Variants in ASNS observed in about 807,000 individuals in gnomAD.
The protein encoded by ASNS is asparagine synthetase (glutamine-hydrolyzing).
ASNS carries 37 observed loss-of-function variants against 62.6 expected under a neutral mutation model. The ratio of observed to expected loss-of-function variants is 0.59; its 90% CI spans 0.45 to 0.78. The LOEUF (loss-of-function observed/expected upper bound fraction) is 0.78. ASNS is among the 30% of genes least tolerant of loss of function. The pLI is 0.00. For missense variants in ASNS, 520 were observed against 682.4 expected (o/e 0.76, Z 2.65); for synonymous variants, 207 against 237.9 (o/e 0.87, Z 1.19).
chr7:97,882,425 G>A, the ASNS span, among the ~76,000 whole-genome samples: 22 of 152,118 alleles, frequency 1.4e-4, 1 homozygote, highest in South Asian at 4.6e-3. Context: ...GCACATGCCT[G>A]TAAGCCCAGC....
At chr7:97,895,017 T>G in the ASNS span, among the ~76,000 whole-genome samples, 1 of 152,186 alleles carries the variant, frequency 6.6e-6, no homozygotes, top group Admixed American at 6.5e-5. Context: ...AAAAAGATAA[T>G]ATACCATGAT....
the ASNS span, among the ~76,000 whole-genome samples, chr7:97,903,244 T>G: frequency 1.8e-4 from 1 of 5,580 alleles, no homozygotes; most frequent in Non-Finnish European, 6.8e-4. Context: ...GATCCAGAGT[T>G]TTTTTTTTTT....
chr7:97,862,475 G>A (rs1237349439), intron 4 of ASNS, among the ~76,000 whole-genome samples: 1 of 152,160 alleles, frequency 6.6e-6, no homozygotes, highest in Non-Finnish European at 1.5e-5. Context: ...CGGGAGGAAA[G>A]AATAAGTGGA....
At position 97,864,507 on chromosome 7, in the gene ASNS, G is replaced by A. The variant is rs761403568; in HGVS notation, c.250-11C>T. On this transcript the variant is annotated splice_polypyrimidine_tract_variant and intron_variant, in intron 3 of 12. Transcript: ENST00000394308. Reference sequence around the variant, plus strand: ...AAAATGCTGTTGCATCTTAGGAAGCGAAAGCAAAACCAAAATGTTAGACTC... The same window carrying A: ...AAAATGCTGTTGCATCTTAGGAAGCAAAAGCAAAACCAAAATGTTAGACTC... 4.4e-6 allele frequency: 7 copies of A among 1,608,132 alleles called. No homozygotes were observed. Among genetic ancestry groups the A allele is most frequent in the East Asian group, 2.2e-5 (1 of 44,764 alleles).
At chr7:97,889,927 C>CAAAAAAAAAAAAAAAAAAA in the ASNS span, among the ~76,000 whole-genome samples, 15 of 38,564 alleles carry the variant, frequency 3.9e-4, no homozygotes, top group East Asian at 1.2e-3. Context: ...ATAATGAATA[C>CAAAAAAAAAAAAAAAAAAA]AAAAAAAAAA....
chr7:97,905,370 T>C, the ASNS span, among the ~76,000 whole-genome samples: 2 of 152,208 alleles, frequency 1.3e-5, no homozygotes, highest in Non-Finnish European at 2.9e-5. Context: ...GCCTCGCAAC[T>C]GCCCAAGGGC....
At chr7:97,858,600 A>G (rs1234810918) in intron 6 of ASNS, among the ~76,000 whole-genome samples, 195 bp from the exon 7 acceptor site, 1 of 152,244 alleles carries the variant, frequency 6.6e-6, no homozygotes, top group Non-Finnish European at 1.5e-5. Context: ...GAATTGGTTA[A>G]AAATCACTAC....
intron 1 of ASNS, among the ~76,000 whole-genome samples, chr7:97,871,340 T>A (rs1390593653): frequency 1.3e-5 from 2 of 152,196 alleles, no homozygotes; most frequent in Non-Finnish European, 2.9e-5. Context: ...CATGGCAGTT[T>A]CAGTGCATTT....
intron 3 of ASNS, among the ~76,000 whole-genome samples, chr7:97,864,853 T>C (rs190336964): frequency 7.6e-4 from 116 of 152,318 alleles, no homozygotes; most frequent in African/African-American, 2.6e-3. Context: ...TTATCTGAAA[T>C]GTTTGGAACC....
chr7:97,910,504 C>A, the ASNS span, among the ~76,000 whole-genome samples: 3 of 152,070 alleles, frequency 2.0e-5, no homozygotes, highest in Admixed American at 1.3e-4. Flanking sequence ...TTTGAACCTG[C>A]GCTGAAAGGC....
At chr7:97,880,714 G>T in the ASNS span, among the ~76,000 whole-genome samples, 1 of 152,134 alleles carries the variant, frequency 6.6e-6, no homozygotes, top group South Asian at 2.1e-4. Flanking sequence ...GATGTGAAGG[G>T]AAACAGAAAG....
chr7:97,922,522 T>A, the ASNS span, among the ~76,000 whole-genome samples: 1 of 147,518 alleles, frequency 6.8e-6, no homozygotes, highest in African/African-American at 2.5e-5. Context: ...GACAACATGG[T>A]ACCTATAGTT....
At chr7:97,868,752 T>C (rs1204916996) in intron 3 of ASNS, among the ~76,000 whole-genome samples, 156 bp downstream of exon 3, 1 of 152,226 alleles carries the variant, frequency 6.6e-6, no homozygotes, top group Non-Finnish European at 1.5e-5. Flanking sequence ...CACCTTTTTA[T>C]TCATCAGTTC....
At chr7:97,926,076 C>T in the ASNS span, among the ~76,000 whole-genome samples, 1 of 102,680 alleles carries the variant, frequency 9.7e-6, no homozygotes, top group Non-Finnish European at 1.8e-5. Flanking sequence ...CCACCATAAA[C>T]ACATGCCCTG....
chr7:97,864,112 C>T, intron 4 of ASNS, 147 bp downstream of exon 4: 2 of 666,474 alleles, frequency 3.0e-6, no homozygotes, highest in South Asian at 4.5e-5. Context: ...GAGTACAACT[C>T]CTCTGTTTTT....
rs185368375 is a variant in ASNS, at chr7:97,859,541, T to A, written c.488-143A>T. ...TAAATAAGCAAAATAGGAAAAAAAA[T>A]TTTCTATTTTCCTAAGCCCTACCAT... On this transcript the variant is annotated intron_variant, in intron 4 of 12. Coordinates refer to ENST00000394308, the MANE Select transcript of ASNS (RefSeq NM_001673.5). The A allele has an allele frequency of 1.5e-3, 1,343 of 875,954 alleles. 18 individuals are homozygous for A. The African/African-American group carries it at 0.019, about 13-fold the overall frequency. The allele number at this position is 875,954 out of a possible 1,614,324, so 54.3% of individuals were successfully genotyped here. A position where few individuals can be genotyped will look rare whatever the true frequency, so the allele number is the denominator to read the frequency against.
chr7:97,881,168 C>T, the ASNS span, among the ~76,000 whole-genome samples: 1 of 152,166 alleles, frequency 6.6e-6, no homozygotes, highest in Non-Finnish European at 1.5e-5. Flanking sequence ...TCTCGAACTC[C>T]CAGCCTCAGG....
chr7:97,898,987 C>A, the ASNS span: 2 of 745,406 alleles, frequency 2.7e-6, no homozygotes, highest in Non-Finnish European at 4.8e-6. Context: ...CCAAGTCTTT[C>A]CAATATTTCT....
At chr7:97,922,201 C>CA in the ASNS span, among the ~76,000 whole-genome samples, 2 of 151,844 alleles carry the variant, frequency 1.3e-5, no homozygotes, top group Non-Finnish European at 2.9e-5. Flanking sequence ...CCCATTTCTA[C>CA]AAAAAAATAC....
Sources: allele counts gnomAD v4.1 joint callset (sites outside exome capture counted in the v4.1 genomes callset), GRCh38; gene constraint gnomAD v4.1.1; transcripts MANE v1.5; gene names NCBI Gene and HGNC (gene_info 2026-07-23, HGNC 2026-07-21).